POU2F2: variants seen among roughly 807,000 people sequenced by gnomAD.
POU2F2 encodes the protein POU domain, class 2, transcription factor 2.
In POU2F2, 14 loss-of-function variants were observed where a neutral mutation model predicts 63.5. That is an observed-to-expected ratio of 0.22 (90% CI 0.15 to 0.34). POU2F2 has a LOEUF of 0.34. Among genes scored for constraint, POU2F2 ranks in the 10% least tolerant of loss-of-function variants. The pLI, the probability that POU2F2 is intolerant of heterozygous loss-of-function variation, is 1.00. For missense variants in POU2F2, 607 were observed against 815.2 expected (o/e 0.74, Z 3.11); for synonymous variants, 306 against 348.6 (o/e 0.88, Z 1.36).
At chr19:42,146,518 C>T (rs2034237609) in intron 2 of POU2F2, among the ~76,000 whole-genome samples, 1 of 152,236 alleles carries the variant, frequency 6.6e-6, no homozygotes, top group Non-Finnish European at 1.5e-5. Context: ...CTCCCCAGCT[C>T]CACTTTGTGG....
At chr19:42,165,030 T>G (rs1445482214) in intron 1 of POU2F2, among the ~76,000 whole-genome samples, 1 of 152,202 alleles carries the variant, frequency 6.6e-6, no homozygotes, top group Non-Finnish European at 1.5e-5. Context: ...CATGGTCATT[T>G]TCTTCTCATC....
At chr19:42,120,529 TTTTTTAATAAGCCTC>T (rs1355047435) in intron 4 of POU2F2, among the ~76,000 whole-genome samples, 7 of 152,290 alleles carry the variant, frequency 4.6e-5, no homozygotes, top group African/African-American at 2.4e-5. Flanking sequence ...CCTAATCTCC[TTTTTTAATAAGCCTC>T]TTTTTAATAA....
Position 42,132,303 on chromosome 19 carries a change from G to A in POU2F2, c.28+81C>T, listed in dbSNP as rs765675787. The stretch of plus-strand genomic sequence containing the variant: ...AAGGACAATGGAGACAGCTGAGGAG[G>A]AGGGGCAGGCAGGGCCCGCAGAGCA... On this transcript the variant is annotated intron_variant, in intron 1 of 14. Coordinates refer to ENST00000692977, the MANE Select transcript of POU2F2 (RefSeq NM_001394376.1). 26 of 1,486,584 alleles carry A rather than the reference G, an allele frequency of 1.7e-5. No homozygotes were observed. In the Admixed American group the frequency reaches 2.3e-4, roughly 13 times the overall value. The allele number at this position is 1,486,584 out of a possible 1,614,324, so 92.1% of individuals were successfully genotyped here.
chr19:42,136,639 C>T (rs936916788), upstream of POU2F2: 1 of 152,258 alleles, frequency 6.6e-6, no homozygotes, highest in Admixed American at 6.5e-5. Context: ...GTGGTGGAGT[C>T]AGGATTTAAG....
intron 1 of POU2F2, among the ~76,000 whole-genome samples, chr19:42,195,646 C>CTTCCCTCCCTCCCTTCCTCT (rs527369425): frequency 7.4e-6 from 1 of 135,942 alleles, no homozygotes; most frequent in Non-Finnish European, 1.6e-5. Context: ...CCCTCCCTTT[C>CTTCCCTCCCTCCCTTCCTCT]TTCCCTCCCT....
chr19:42,111,276 C>T (rs1195014193), intron 5 of POU2F2, among the ~76,000 whole-genome samples: 3 of 152,022 alleles, frequency 2.0e-5, no homozygotes, highest in African/African-American at 7.2e-5. Flanking sequence ...TGCATCACCA[C>T]ACCTGGTTAA....
chr19:42,114,066 G>A (rs2031514998), intron 5 of POU2F2, among the ~76,000 whole-genome samples: 1 of 152,154 alleles, frequency 6.6e-6, no homozygotes, highest in Non-Finnish European at 1.5e-5. Flanking sequence ...GGGAAGCTGG[G>A]GAAGGAGGAG....
intron 2 of POU2F2, among the ~76,000 whole-genome samples, chr19:42,143,645 C>T (rs1281191120): frequency 6.6e-6 from 1 of 152,146 alleles, no homozygotes; most frequent in African/African-American, 2.4e-5. Context: ...GGGCCCCTGC[C>T]CACCTCAACT....
upstream of POU2F2, chr19:42,133,176 G>A (rs938211480): frequency 5.9e-5 from 9 of 152,168 alleles, no homozygotes; most frequent in African/African-American, 2.2e-4. This position sits in a 1 kb window ranked among gnomAD's most constrained non-coding sequence, Gnocchi z 5.1. Flanking sequence ...GGGAGCACCA[G>A]GTCCCCGGGC....
Position 42,091,022 on chromosome 19 carries a change from C to A in POU2F2, c.*235G>T. ...GTTTTTTTTTGTTTGTTTTTCACCT[C>A]TGGTTCCTTTGGGGCAGCTGGTTTC... On this transcript the variant is annotated 3_prime_UTR_variant, in exon 15 of 15. Coordinates refer to ENST00000692977, the MANE Select transcript of POU2F2 (RefSeq NM_001394376.1). The A allele has an allele frequency of 2.0e-5, 6 of 305,242 alleles. No individual in the cohort carries two copies. Among genetic ancestry groups the A allele is most frequent in the Non-Finnish European group, 2.3e-5 (4 of 171,902 alleles). The allele number at this position is 305,242 out of a possible 1,614,324, so 18.9% of individuals were successfully genotyped here. A position where few individuals can be genotyped will look rare whatever the true frequency, so the allele number is the denominator to read the frequency against.
chr19:42,128,507 C>T (rs767696109), intron 1 of POU2F2, among the ~76,000 whole-genome samples: 1 of 152,194 alleles, frequency 6.6e-6, no homozygotes, highest in Non-Finnish European at 1.5e-5. Flanking sequence ...TGCCCTTTGT[C>T]TTTTCTCTTT....
At chr19:42,183,526 G>C (rs2034985141) in intron 1 of POU2F2, among the ~76,000 whole-genome samples, 1 of 152,054 alleles carries the variant, frequency 6.6e-6, no homozygotes, top group Admixed American at 6.6e-5. Flanking sequence ...TTACACAACT[G>C]TGTGTGTGTG....
In POU2F2 at chr19:42,190,746, G is replaced by A. The variant is rs543429440; in HGVS notation, c.-70+5637C>T. On this transcript the variant is annotated intron_variant, in intron 1 of 5. Coordinates refer to the POU2F2 transcript ENST00000532176. ...TATGAATGCTGTTACTGAGATAAAT[G>A]AGCCTATGGATGAGATAATATTTCA... Among the ~76,000 whole-genome samples, 3 of 152,258 alleles carry A rather than the reference G, an allele frequency of 2.0e-5. No homozygotes were observed. The South Asian group carries it at 6.2e-4, about 32-fold the overall frequency.
At chr19:42,125,175 T>C (rs974366285) in intron 1 of POU2F2, among the ~76,000 whole-genome samples, 3 of 151,700 alleles carry the variant, frequency 2.0e-5, no homozygotes, top group African/African-American at 4.9e-5. Context: ...CTGGGCAACA[T>C]AGTGAAATCC....
At chr19:42,168,893 C>T (rs1012076834) in intron 1 of POU2F2, among the ~76,000 whole-genome samples, 10 of 152,186 alleles carry the variant, frequency 6.6e-5, no homozygotes, top group Non-Finnish European at 1.3e-4. Context: ...TTCCGTGATG[C>T]CCTCCTGTAG....
At chr19:42,129,271 G>C (rs919320282) in intron 1 of POU2F2, among the ~76,000 whole-genome samples, 1 of 152,018 alleles carries the variant, frequency 6.6e-6, no homozygotes. Context: ...AATATTTTAG[G>C]GGAACTGAAA....
At chr19:42,185,200 G>A (rs537679527) in intron 1 of POU2F2, among the ~76,000 whole-genome samples, 26 of 152,132 alleles carry the variant, frequency 1.7e-4, no homozygotes, top group Non-Finnish European at 2.9e-4. Context: ...GAGTTCAACC[G>A]AGTATTTCTC....
chr19:42,134,909 C>A (rs1203127238), upstream of POU2F2, among the ~76,000 whole-genome samples: 1 of 151,992 alleles, frequency 6.6e-6, no homozygotes, highest in Admixed American at 6.5e-5. Flanking sequence ...ATTATTAGAG[C>A]GAGGTCCCCC....
At position 42,152,218 on chromosome 19, in the gene POU2F2, G is replaced by A. The variant is rs1408389257; in HGVS notation, c.-9+8114C>T. On this transcript the variant is annotated intron_variant, in intron 2 of 6. Transcript: ENST00000524801. The surrounding 1 kb of genome is among the most constrained non-coding windows in gnomAD (Gnocchi z 4.1). The stretch of plus-strand genomic sequence containing the variant: ...TATGGAGCCTCCAAAGAGACAGAAG[G>A]AAACAGGCAGATCTTCTGTGCTTAA... Among the ~76,000 whole-genome samples the A allele has an allele frequency of 6.6e-6, 1 of 152,142 alleles. No homozygotes were observed. Among genetic ancestry groups the A allele is most frequent in the Non-Finnish European group, 1.5e-5 (1 of 68,016 alleles).
Sources: allele counts gnomAD v4.1 joint callset (sites outside exome capture counted in the v4.1 genomes callset), GRCh38; gene constraint gnomAD v4.1.1; non-coding constraint Gnocchi (gnomAD v3.1); transcripts MANE v1.5; gene names NCBI Gene and HGNC (gene_info 2026-07-23, HGNC 2026-07-21).